TTYH2: variants seen among roughly 807,000 people sequenced by gnomAD.
The protein encoded by TTYH2 is tweety family member 2.
A neutral mutation model predicts 68.3 loss-of-function variants in TTYH2; 49 were observed. That is an observed-to-expected ratio of 0.72 (90% CI 0.57 to 0.91). TTYH2 has a LOEUF of 0.91. Ranked by LOEUF, TTYH2 falls within the 40% of genes least tolerant of loss-of-function variation. The probability of loss-of-function intolerance (pLI) is 0.00; values close to 1 mark genes in which losing one functional copy is unlikely to be tolerated. For synonymous variants in TTYH2, 272 were observed against 300.8 expected, an observed-to-expected ratio of 0.90 and a Z score of 0.99; for missense variants, 631 against 700.4, an observed-to-expected ratio of 0.90 and a Z score of 1.12.
chr17:74,240,309 C>T (rs1319272113), intron 4 of TTYH2, among the ~76,000 whole-genome samples: 1 of 152,124 alleles, frequency 6.6e-6, no homozygotes, highest in Non-Finnish European at 1.5e-5. Context: ...CGTGGTGGCG[C>T]ACGCCTGTAG....
At chr17:74,234,551 C>T (rs553019124) in intron 3 of TTYH2, among the ~76,000 whole-genome samples, 5 of 152,262 alleles carry the variant, frequency 3.3e-5, no homozygotes, top group South Asian at 2.1e-4. Flanking sequence ...GGCAGCATAG[C>T]GAGACCCCAT....
At position 74,257,611 on chromosome 17, in the gene TTYH2, CG is replaced by C. The variant is rs1174254899; in HGVS notation, c.1525-2515del. On this transcript the variant is annotated intron_variant, in intron 13 of 13. Coordinates refer to ENST00000269346, the MANE Select transcript of TTYH2 (RefSeq NM_032646.6). ...GGTGGGTGATGTCACGCCTGGTGAT[CG>C]GGATATACAGCCTGTCCCTTGCTGG... 2.6e-5 allele frequency among the ~76,000 whole-genome samples: 4 copies of C among 152,312 alleles called. 1 individual carries two copies. The East Asian group carries it at 5.8e-4, about 22-fold the overall frequency.
intron 3 of TTYH2, 60 bp from the exon 4 acceptor site, chr17:74,237,234 C>T: frequency 6.4e-7 from 1 of 1,567,926 alleles, no homozygotes; most frequent in South Asian, 1.1e-5. Context: ...GCAAAGACCT[C>T]TTCCGGGATG....
rs1173285386 is a variant in TTYH2, at chr17:74,220,660, T to C, written c.130-1825T>C. 4.6e-5 allele frequency among the ~76,000 whole-genome samples: 7 copies of C among 152,230 alleles called. No homozygotes were observed. The East Asian group carries it at 1.4e-3, about 29-fold the overall frequency. On this transcript the variant is annotated intron_variant, in intron 1 of 13. Coordinates refer to ENST00000269346, the MANE Select transcript of TTYH2 (RefSeq NM_032646.6). Reference sequence around the variant, plus strand: ...CTATCCCTGGGCTTGCTGGGGTCAGTCCCGGGGACAGGCCATGCTAATGAG... The same window carrying C: ...CTATCCCTGGGCTTGCTGGGGTCAGCCCCGGGGACAGGCCATGCTAATGAG...
Position 74,261,989 on chromosome 17 carries a change from C to T in TTYH2, c.*1780C>T, listed in dbSNP as rs995547655. The T allele has an allele frequency of 6.6e-6, 1 of 152,610 alleles. No homozygotes were observed. Among genetic ancestry groups the T allele is most frequent in the Non-Finnish European group, 1.5e-5 (1 of 68,038 alleles). 9.5% of individuals were successfully genotyped at this position (152,610 alleles called of 1,614,324 possible). Reference sequence around the variant, plus strand: ...CTTTGCTTATATACATGCGGCCTCACCTGGAAGAGAAATAAACCACTTGTA... The same window carrying T: ...CTTTGCTTATATACATGCGGCCTCATCTGGAAGAGAAATAAACCACTTGTA... On this transcript the variant is annotated 3_prime_UTR_variant, in exon 14 of 14. Transcript: ENST00000269346.
intron 2 of TTYH2, 32 bp from the exon 3 acceptor site, chr17:74,230,856 C>T: frequency 1.9e-6 from 3 of 1,607,820 alleles, no homozygotes; most frequent in South Asian, 1.1e-5. Context: ...CTGTGTATCA[C>T]CTCTAACCTC....
chr17:74,225,588 C>T (rs551115000), intron 2 of TTYH2, among the ~76,000 whole-genome samples: 6 of 152,268 alleles, frequency 3.9e-5, no homozygotes, highest in South Asian at 2.1e-4. Context: ...GGGCAGTGAG[C>T]GACCTTGGGA....
At chr17:74,219,228 A>AAAAAG (rs2050251483) in intron 1 of TTYH2, among the ~76,000 whole-genome samples, 1 of 150,616 alleles carries the variant, frequency 6.6e-6, no homozygotes, top group African/African-American at 2.5e-5. Flanking sequence ...AAAAAAAAAA[A>AAAAAG]GTACAAAAAA....
At chr17:74,235,932 A>C (rs2050438947) in intron 3 of TTYH2, among the ~76,000 whole-genome samples, 1 of 151,954 alleles carries the variant, frequency 6.6e-6, no homozygotes, top group Admixed American at 6.6e-5. Flanking sequence ...AAAGAAAGAA[A>C]TGGATGAACG....
chr17:74,230,825 A>G, intron 2 of TTYH2, 63 bp from the exon 3 acceptor site: 2 of 1,551,766 alleles, frequency 1.3e-6, no homozygotes, highest in Non-Finnish European at 1.8e-6. Context: ...CTTATTTTTT[A>G]ATATAAGCAA....
intron 4 of TTYH2, among the ~76,000 whole-genome samples, chr17:74,237,932 C>A (rs1233340228): frequency 6.6e-6 from 1 of 152,106 alleles, no homozygotes; most frequent in Non-Finnish European, 1.5e-5. Context: ...CATGCCCAGC[C>A]CACCAGAAAG....
chr17:74,238,908 G>A (rs532816083), intron 4 of TTYH2, among the ~76,000 whole-genome samples: 4 of 151,350 alleles, frequency 2.6e-5, no homozygotes, highest in Middle Eastern at 3.4e-3. Context: ...TAGGGGTCTT[G>A]CTTTGTTGCC....
intron 13 of TTYH2, 139 bp from the exon 14 acceptor site, chr17:74,259,990 G>C: frequency 1.4e-6 from 1 of 731,350 alleles, no homozygotes; most frequent in South Asian, 1.5e-5. Flanking sequence ...CAGAAGTCTT[G>C]ATGGATGTGG....
chr17:74,257,545 C>T (rs9904547), intron 13 of TTYH2, among the ~76,000 whole-genome samples: 41,785 of 152,118 alleles, frequency 0.27, 6,445 homozygotes, highest in African/African-American at 0.41. Flanking sequence ...ACTCCTCCCT[C>T]TGCCGAGCAC....
At chr17:74,227,604 A>G (rs1417602644) in intron 2 of TTYH2, among the ~76,000 whole-genome samples, 2 of 152,164 alleles carry the variant, frequency 1.3e-5, no homozygotes, top group Non-Finnish European at 2.9e-5. Context: ...TGCATTTTCT[A>G]TGATGGTGCA....
chr17:74,218,532 A>T (rs1308657906), intron 1 of TTYH2, among the ~76,000 whole-genome samples: 221 of 101,000 alleles, frequency 2.2e-3, no homozygotes, highest in African/African-American at 0.011. Flanking sequence ...AAAGGAAATC[A>T]AAAAAAAAAA....
intron 10 of TTYH2, chr17:74,250,623 AT>A (rs1464947145): frequency 4.5e-5 from 18 of 397,934 alleles, no homozygotes; most frequent in Non-Finnish European, 8.2e-5. Flanking sequence ...ACCCTGAACA[AT>A]GCAAGGGAGG....
At position 74,244,026 on chromosome 17, in the gene TTYH2, G is replaced by T. The variant is rs767185619; in HGVS notation, c.781G>T (p.Ala261Ser). The stretch of plus-strand genomic sequence containing the variant: ...CCTGCTCCTCAGTTGGGCATCCCTG[G>T]CCGCTGATGGCTCTGCGGCAGTGGT... ...LSLLLSWASLAADGSAAVATS... is the reference protein window; with the variant it reads ...LSLLLSWASLSADGSAAVATS... Residue 261 changes from alanine (A) to serine (S), a missense_variant, in exon 6 of 14, where the codon GCC becomes TCC. By Grantham distance (99) the Ala-to-Ser change is moderately conservative. Transcript: ENST00000269346. 1 of 1,612,218 alleles carries T rather than the reference G, an allele frequency of 6.2e-7. No homozygotes were observed. The highest frequency in any genetic ancestry group is 2.2e-5 in the East Asian group (1 of 44,870).
Position 74,260,412 on chromosome 17 carries a change from T to A in TTYH2, c.*203T>A. 1.7e-6 allele frequency: 1 copy of A among 587,012 alleles called. No individual in the cohort carries two copies. The highest frequency in any genetic ancestry group is 3.0e-6 in the Non-Finnish European group (1 of 328,012). 36.4% of individuals were successfully genotyped at this position (587,012 alleles called of 1,614,324 possible). ...GCGGGCCAGCCTCTCTCTTTTGCCCTGCTCTCCACACCAGAAATGCCCCCA... is the reference window on the plus strand; with the variant it reads ...GCGGGCCAGCCTCTCTCTTTTGCCCAGCTCTCCACACCAGAAATGCCCCCA... On this transcript the variant is annotated 3_prime_UTR_variant, in exon 14 of 14. Coordinates refer to ENST00000269346, the MANE Select transcript of TTYH2 (RefSeq NM_032646.6).
Sources: allele counts gnomAD v4.1 joint callset (sites outside exome capture counted in the v4.1 genomes callset), GRCh38; gene constraint gnomAD v4.1.1; transcripts MANE v1.5; gene names NCBI Gene and HGNC (gene_info 2026-07-23, HGNC 2026-07-21).